The following RIF1 variants were observed in gnomAD, a reference collection of about 807,000 sequenced individuals.
RIF1 encodes the protein telomere-associated protein RIF1.
Under a neutral mutation model 247.1 loss-of-function variants are expected in RIF1, and 45 were observed. That is an observed-to-expected ratio of 0.18 (90% CI 0.14 to 0.23). The LOEUF (loss-of-function observed/expected upper bound fraction) is 0.23. RIF1 is among the 10% of genes least tolerant of loss of function. The probability of loss-of-function intolerance (pLI) is 1.00; values close to 1 mark genes in which losing one functional copy is unlikely to be tolerated. For missense variants in RIF1, 2,967 were observed against 2,862.5 expected (o/e 1.04, Z -0.83); for synonymous variants, 1,087 against 978.8 (o/e 1.11, Z -2.06).
intron 8 of RIF1, among the ~76,000 whole-genome samples, chr2:151,427,854 C>G (rs757523078): frequency 2.0e-5 from 3 of 151,786 alleles, no homozygotes; most frequent in Non-Finnish European, 2.9e-5. Context: ...TTCAGGAGTT[C>G]GAGACCAGCC....
At chr2:151,526,048 G>A in the RIF1 span, 1 of 1,613,928 alleles carries the variant, frequency 6.2e-7, no homozygotes, top group Admixed American at 1.7e-5. Flanking sequence ...AGTGCTTCTT[G>A]ACATGGTCCT....
chr2:151,505,624 T>C, intron 12 of RIF1: 2 of 1,399,336 alleles, frequency 1.4e-6, no homozygotes, highest in East Asian at 4.6e-5. Flanking sequence ...GGACTGTTAT[T>C]CTTCCCAACA....
chr2:151,435,971 C>G (rs537161047), intron 11 of RIF1, among the ~76,000 whole-genome samples: 28 of 152,192 alleles, frequency 1.8e-4, no homozygotes, highest in African/African-American at 6.7e-4. Context: ...CGCCTGTAAT[C>G]CTAGCACTTT....
intron 3 of RIF1, among the ~76,000 whole-genome samples, chr2:151,412,035 A>G (rs1390662676): frequency 4.6e-5 from 7 of 152,160 alleles, no homozygotes; most frequent in Non-Finnish European, 7.3e-5. Context: ...TAAAATTACA[A>G]TTGTCTTTGG....
chr2:151,457,378 T>G (rs986193244), intron 23 of RIF1, among the ~76,000 whole-genome samples: 5 of 152,298 alleles, frequency 3.3e-5, no homozygotes, highest in Admixed American at 1.3e-4. Context: ...CCGCTTTGGC[T>G]TCCCAAAGTG....
chr2:151,430,219 C>T (rs1007488539), intron 9 of RIF1, among the ~76,000 whole-genome samples: 1 of 152,030 alleles, frequency 6.6e-6, no homozygotes, highest in African/African-American at 2.4e-5. Context: ...GACGGGGTTT[C>T]ACCGTGTTAG....
At chr2:151,526,971 T>A in the RIF1 span, 142 of 1,604,736 alleles carry the variant, frequency 8.8e-5, no homozygotes, top group Non-Finnish European at 1.1e-4. Context: ...TTGTCATCAG[T>A]GACAGAAAGC....
chr2:151,528,809 C>T, the RIF1 span, among the ~76,000 whole-genome samples: 1 of 152,166 alleles, frequency 6.6e-6, no homozygotes, highest in Non-Finnish European at 1.5e-5. Context: ...CTGATGGCAC[C>T]AAATGGCTCA....
intron 6 of RIF1, among the ~76,000 whole-genome samples, chr2:151,418,073 G>C (rs1001320934): frequency 2.0e-5 from 3 of 152,194 alleles, no homozygotes; most frequent in Non-Finnish European, 2.9e-5. Context: ...CTTTGGGTGA[G>C]TCAGTGAAGG....
the RIF1 span, among the ~76,000 whole-genome samples, chr2:151,513,022 G>A: frequency 6.6e-6 from 1 of 152,198 alleles, no homozygotes; most frequent in Non-Finnish European, 1.5e-5. Context: ...AGTAAGAAAG[G>A]TCAAGTCCTA....
At chr2:151,460,299 G>C (rs1401751214) in intron 26 of RIF1, among the ~76,000 whole-genome samples, 180 bp downstream of exon 26, 1 of 152,154 alleles carries the variant, frequency 6.6e-6, no homozygotes, top group Non-Finnish European at 1.5e-5. Context: ...GAAGCCTTGG[G>C]TGATGATTCC....
intron 9 of RIF1, chr2:151,492,598 G>T: frequency 3.9e-6 from 3 of 766,636 alleles, no homozygotes; most frequent in Non-Finnish European, 6.1e-6. Flanking sequence ...GGACGCTTGG[G>T]TCAACTGAAG....
chr2:151,492,537 C>A, intron 9 of RIF1: 1 of 1,437,900 alleles, frequency 7.0e-7, no homozygotes, highest in Non-Finnish European at 9.7e-7. Flanking sequence ...TGTCCTAAAT[C>A]TGAAACCTCA....
chr2:151,484,278 A>G (rs1313949808), downstream of RIF1, among the ~76,000 whole-genome samples: 3 of 152,234 alleles, frequency 2.0e-5, no homozygotes, highest in African/African-American at 7.2e-5. Context: ...TGGCAAACCG[A>G]TAAAGTAAAT....
At chr2:151,425,913 T>C (rs2152252581) in intron 8 of RIF1, among the ~76,000 whole-genome samples, 1 of 151,170 alleles carries the variant, frequency 6.6e-6, no homozygotes, top group Non-Finnish European at 1.5e-5. Context: ...TTCTGAGCTC[T>C]AGAGATCCAC....
chr2:151,508,388 C>T (rs1158681411), downstream of RIF1, among the ~76,000 whole-genome samples: 2 of 152,182 alleles, frequency 1.3e-5, no homozygotes, highest in African/African-American at 4.8e-5. Context: ...AGCTGGTCCA[C>T]AGGAGGAAGG....
At chr2:151,416,424 C>T (rs1356355518) in intron 4 of RIF1, 137 bp from the exon 5 acceptor site, 8 of 757,156 alleles carry the variant, frequency 1.1e-5, no homozygotes, top group Non-Finnish European at 1.4e-5. Context: ...TTGGTATCAG[C>T]ATTGGTTCTC....
At chr2:151,474,397 G>A (rs972887809) in intron 35 of RIF1, among the ~76,000 whole-genome samples, 4 of 152,222 alleles carry the variant, frequency 2.6e-5, no homozygotes, top group Non-Finnish European at 5.9e-5. Flanking sequence ...AGCAGTGGTA[G>A]GTTGGGTATG....
At chr2:151,448,279 G>A (rs1351071541) in intron 20 of RIF1, among the ~76,000 whole-genome samples, 1 of 152,112 alleles carries the variant, frequency 6.6e-6, no homozygotes, top group Non-Finnish European at 1.5e-5. Context: ...CCTGACCTCA[G>A]GTGATTAGCC....
Sources: gnomAD v4.1 joint callset for allele counts (sites outside exome capture counted in the v4.1 genomes callset) on GRCh38, gnomAD v4.1.1 for gene constraint, MANE v1.5 for transcripts, NCBI Gene and HGNC (gene_info 2026-07-23, HGNC 2026-07-21) for gene names.